Variants in SLC30A7 observed in about 807,000 individuals in gnomAD.
SLC30A7 encodes the protein zinc transporter 7.
SLC30A7 carries 35 observed loss-of-function variants against 46.0 expected under a neutral mutation model. The observed-to-expected ratio is 0.76, with a 90% CI of 0.58 to 1.01. The LOEUF is 1.01. SLC30A7 is among the 50% of genes least tolerant of loss of function. The pLI is 0.00. For missense variants in SLC30A7, 464 were observed against 451.1 expected (o/e 1.03, Z -0.26); for synonymous variants, 147 against 157.8 (o/e 0.93, Z 0.51).
At chr1:100,993,542 A>T in the SLC30A7 span, among the ~76,000 whole-genome samples, 1 of 129,488 alleles carries the variant, frequency 7.7e-6, no homozygotes, top group Non-Finnish European at 1.6e-5. Flanking sequence ...ACAGAGCAAG[A>T]CTCTGTCGAA....
At chr1:100,930,597 T>A (rs1250285846) in intron 8 of SLC30A7, among the ~76,000 whole-genome samples, 1 of 151,692 alleles carries the variant, frequency 6.6e-6, no homozygotes, top group Non-Finnish European at 1.5e-5. Flanking sequence ...TTTTTTTTAA[T>A]ATGTAGAAAG....
In SLC30A7 at chr1:100,921,788, G is replaced by A; in HGVS notation, c.789G>A (p.Leu263=). The part of the protein sequence containing the change: ...ASAIMMQNFG[L]MIADPICSIL... ...CCATCATGATGCAAAATTTTGGTCT[G>A]ATGATAGCAGATCCTATCTGTTCAA... Residue 263 remains leucine, a synonymous_variant, in exon 8 of 11, where the codon CTG becomes CTA. Transcript: ENST00000357650. 6.2e-7 allele frequency: 1 copy of A among 1,613,284 alleles called. No individual in the cohort carries two copies.
downstream of SLC30A7, among the ~76,000 whole-genome samples, chr1:100,982,516 A>C (rs1657002435): frequency 6.6e-6 from 1 of 152,254 alleles, no homozygotes; most frequent in Non-Finnish European, 1.5e-5. Context: ...AATTCTTCAT[A>C]GAATTCTTAG....
chr1:100,936,223 C>T (rs1201063455), intron 8 of SLC30A7, among the ~76,000 whole-genome samples: 1 of 152,046 alleles, frequency 6.6e-6, no homozygotes, highest in African/African-American at 2.4e-5. Context: ...CAATAGAGAA[C>T]TTACTAATTT....
chr1:100,948,946 A>G (rs1240995682), intron 8 of SLC30A7, among the ~76,000 whole-genome samples: 1 of 152,016 alleles, frequency 6.6e-6, no homozygotes, highest in East Asian at 1.9e-4. Flanking sequence ...CCTTTTTTCA[A>G]GGTTTTTAAC....
At chr1:100,994,629 C>T in the SLC30A7 span, among the ~76,000 whole-genome samples, 179 of 151,894 alleles carry the variant, frequency 1.2e-3, 1 homozygote, top group African/African-American at 4.2e-3. Context: ...CAGATTCAAG[C>T]GATTCTCGTG....
At chr1:100,973,643 G>T (rs576172715) in intron 10 of SLC30A7, among the ~76,000 whole-genome samples, 1 of 152,214 alleles carries the variant, frequency 6.6e-6, no homozygotes, top group African/African-American at 2.4e-5. Flanking sequence ...GAGTGCTGAG[G>T]TATTTACCAG....
intron 10 of SLC30A7, among the ~76,000 whole-genome samples, chr1:100,966,580 G>C (rs781254480): frequency 2.0e-5 from 3 of 151,728 alleles, no homozygotes; most frequent in Non-Finnish European, 4.4e-5. Context: ...AGCAAGACTC[G>C]GTCTCAAAGA....
At chr1:100,908,942 A>C (rs1039170064) in intron 3 of SLC30A7, among the ~76,000 whole-genome samples, 2 of 152,084 alleles carry the variant, frequency 1.3e-5, no homozygotes, top group African/African-American at 4.8e-5. Context: ...AATAGCTTTG[A>C]ATACCTTCAG....
chr1:100,934,375 G>T (rs574053629), intron 8 of SLC30A7, among the ~76,000 whole-genome samples: 1 of 152,240 alleles, frequency 6.6e-6, no homozygotes, highest in Admixed American at 6.5e-5. Flanking sequence ...GAGATTACTA[G>T]AAAGTAGAAA....
At chr1:100,943,085 A>G (rs1654445566) in intron 8 of SLC30A7, among the ~76,000 whole-genome samples, 2 of 152,208 alleles carry the variant, frequency 1.3e-5, no homozygotes, top group South Asian at 2.1e-4. Flanking sequence ...TCCAGCAGAC[A>G]GTAGCTGAGT....
chr1:100,961,487 T>A (rs1655549007), intron 8 of SLC30A7, among the ~76,000 whole-genome samples: 1 of 152,210 alleles, frequency 6.6e-6, no homozygotes, highest in Admixed American at 6.5e-5. Flanking sequence ...GTATTTTCCT[T>A]ATCAGTGCTA....
At position 100,912,232 on chromosome 1, in the gene SLC30A7, G is replaced by A. The variant is rs1652151330; in HGVS notation, c.505G>A (p.Gly169Ser). ...FKHGGHGHSH[G>S]SGHGHSHSLF... ...ACATGGAGGTCATGGACATTCTCAT[G>A]GCTCTGGTATGATGGTTAGGACACT... Residue 169 changes from glycine to serine, a missense_variant, in exon 5 of 11, where the codon GGC becomes AGC. Gly to Ser is a moderately conservative substitution (Grantham distance 56). Transcript: ENST00000357650. 1.9e-6 allele frequency: 3 copies of A among 1,613,710 alleles called. No individual in the cohort carries two copies. Among genetic ancestry groups the A allele is most frequent in the Non-Finnish European group, 2.5e-6 (3 of 1,179,816 alleles).
intron 8 of SLC30A7, among the ~76,000 whole-genome samples, chr1:100,928,749 G>T (rs1193361457): frequency 6.6e-6 from 1 of 151,908 alleles, no homozygotes; most frequent in East Asian, 1.9e-4. Context: ...GAAAAACTAG[G>T]ATCACAACAC....
At chr1:100,989,144 GTTAT>G in the SLC30A7 span, among the ~76,000 whole-genome samples, 1 of 152,144 alleles carries the variant, frequency 6.6e-6, no homozygotes, top group African/African-American at 2.4e-5. Flanking sequence ...TAAATGGAGT[GTTAT>G]TTAATACTAG....
chr1:100,921,950 CTTTTTTTTTTT>C, intron 8 of SLC30A7, 109 bp downstream of exon 8: 3 of 398,196 alleles, frequency 7.5e-6, no homozygotes, highest in African/African-American at 2.9e-5. Flanking sequence ...CCTTTGCTTG[CTTTTTTTTTTT>C]TTTTTTTTTT....
chr1:100,902,965 C>T (rs1372482090), intron 2 of SLC30A7, among the ~76,000 whole-genome samples: 5 of 151,940 alleles, frequency 3.3e-5, no homozygotes, highest in Non-Finnish European at 7.4e-5. Context: ...AAATATAGAT[C>T]AATAAATCAG....
intron 8 of SLC30A7, 57 bp downstream of exon 8, chr1:100,921,898 C>A: frequency 5.6e-6 from 7 of 1,241,726 alleles, no homozygotes; most frequent in Non-Finnish European, 7.8e-6. Context: ...AAATATGTTA[C>A]TTAAATTATA....
Position 100,956,772 on chromosome 1 carries a change from C to T in SLC30A7, c.843-5056C>T, listed in dbSNP as rs6671346. On this transcript the variant is annotated intron_variant, in intron 8 of 10. Transcript: ENST00000357650. ...GCCTCTTCTATTCCTTTTTCTCTTC[C>T]CCTTTACTTTTAAAGGTATGTTTAA... Among the ~76,000 whole-genome samples the T allele has an allele frequency of 6.7e-3, 1,023 of 152,184 alleles. 14 individuals are homozygous for T. Among genetic ancestry groups the T allele is most frequent in the African/African-American group, 0.023 (967 of 41,512 alleles).
Sources: allele counts gnomAD v4.1 joint callset (sites outside exome capture counted in the v4.1 genomes callset), GRCh38; gene constraint gnomAD v4.1.1; transcripts MANE v1.5; gene names NCBI Gene and HGNC (gene_info 2026-07-23, HGNC 2026-07-21).